TMC1: variants seen among roughly 807,000 people sequenced by gnomAD.
TMC1 encodes the protein transmembrane channel like 1, also known as transmembrane channel-like protein 1.
A neutral mutation model predicts 105.8 loss-of-function variants in TMC1; 84 were observed. The observed-to-expected ratio is 0.79, with a 90% CI of 0.67 to 0.95. TMC1 has a LOEUF of 0.95. Ranked by LOEUF, TMC1 falls within the 40% of genes least tolerant of loss-of-function variation. TMC1 has a pLI of 0.00. For missense variants in TMC1, 817 were observed against 914.1 expected, an observed-to-expected ratio of 0.89 and a Z score of 1.37; for synonymous variants, 315 against 311.5, an observed-to-expected ratio of 1.01 and a Z score of -0.12.
intron 16 of TMC1, 47 bp from the exon 17 acceptor site, chr9:72,792,144 G>T: frequency 6.2e-7 from 1 of 1,613,860 alleles, no homozygotes; most frequent in East Asian, 2.2e-5. Context: ...AAATGCCTTT[G>T]AAATCTCTGT....
Position 72,789,219 on chromosome 9 carries a change from C to G in TMC1, c.1126C>G (p.Leu376Val). ...GGCTAACTTCTTCGTGTTTCTAACA[C>G]TTGGAGGGAGTGGATACCTCATCTT... ...FLANFFVFLT[L>V]GGSGYLIFWA... Residue 376 changes from leucine to valine, a missense_variant, in exon 15 of 24, where the codon CTT (leucine) becomes GTT (valine). Leu to Val is a conservative substitution (Grantham distance 32, BLOSUM62 1). Coordinates refer to ENST00000297784, the MANE Select transcript of TMC1 (RefSeq NM_138691.3). 1 of 1,613,984 alleles carries G rather than the reference C, an allele frequency of 6.2e-7. No individual in the cohort carries two copies. Among genetic ancestry groups the G allele is most frequent in the Non-Finnish European group, 8.5e-7 (1 of 1,179,960 alleles).
At chr9:72,650,891 G>T (rs75369225) in intron 5 of TMC1, among the ~76,000 whole-genome samples, 4,895 of 115,320 alleles carry the variant, frequency 0.042, 194 homozygotes, top group African/African-American at 0.079. Flanking sequence ...TAGATATATA[G>T]ATATATATAT....
chr9:72,702,520 T>C (rs983203027), intron 8 of TMC1, among the ~76,000 whole-genome samples: 3 of 152,118 alleles, frequency 2.0e-5, no homozygotes, highest in Non-Finnish European at 2.9e-5. Flanking sequence ...ACTTGGCACA[T>C]AGCTGGGAAA....
chr9:72,573,564 C>T (rs1477618582), intron 1 of TMC1, among the ~76,000 whole-genome samples: 1 of 152,152 alleles, frequency 6.6e-6, no homozygotes, highest in African/African-American at 2.4e-5. Context: ...TTGCTTTAAA[C>T]CATTAAGGGG....
rs535755604 is a variant in TMC1 at position 72,618,141 on chromosome 9, G to A, written c.-196+1664G>A. On this transcript the variant is annotated intron_variant, in intron 3 of 23. Coordinates refer to ENST00000297784, the MANE Select transcript of TMC1 (RefSeq NM_138691.3). ...CCTCCGGGGTTCAAGTGACTCTCTT[G>A]CCTCAGCCTCTCGAGTTGCTGGGAT... is the stretch of plus-strand genomic sequence containing the variant. Among the ~76,000 whole-genome samples, 7 of 143,714 alleles carry A rather than the reference G, an allele frequency of 4.9e-5. No homozygotes were observed. The South Asian group carries it at 1.6e-3, about 32-fold the overall frequency. The allele number at this position is 143,714 out of a possible 152,430, so 94.3% of individuals were successfully genotyped here. A position where few individuals can be genotyped will look rare whatever the true frequency, so the allele number is the denominator to read the frequency against.
chr9:72,734,820 A>G (rs1827272721), intron 8 of TMC1, among the ~76,000 whole-genome samples: 1 of 152,184 alleles, frequency 6.6e-6, no homozygotes. Flanking sequence ...GCTCAATCAT[A>G]CTATCAAATT....
intron 3 of TMC1, among the ~76,000 whole-genome samples, chr9:72,625,336 T>C (rs1456821004): frequency 6.6e-6 from 1 of 152,100 alleles, no homozygotes; most frequent in African/African-American, 2.4e-5. Context: ...TAAGAGGGTT[T>C]TAGAAAGAAC....
intron 17 of TMC1, among the ~76,000 whole-genome samples, chr9:72,796,501 G>C (rs990041303): frequency 6.6e-6 from 1 of 152,140 alleles, no homozygotes; most frequent in Non-Finnish European, 1.5e-5. Context: ...GAATTCAGCA[G>C]CACATCAAAT....
At chr9:72,678,686 A>T (rs1423363068) in intron 5 of TMC1, among the ~76,000 whole-genome samples, 2 of 152,038 alleles carry the variant, frequency 1.3e-5, no homozygotes. Flanking sequence ...TATAGACTAT[A>T]TTTATTATGT....
chr9:72,655,838 G>A (rs1417163384), intron 5 of TMC1: 1 of 732,030 alleles, frequency 1.4e-6, no homozygotes, highest in Non-Finnish European at 2.5e-6. Context: ...TGACTTATAC[G>A]TCTACAATGG....
chr9:72,730,758 C>T (rs1456620981), intron 8 of TMC1, among the ~76,000 whole-genome samples: 3 of 152,200 alleles, frequency 2.0e-5, no homozygotes, highest in African/African-American at 2.4e-5. Context: ...AGCTTGTTTT[C>T]CTGCAACTAT....
chr9:72,599,242 GC>G (rs1824767686), intron 2 of TMC1, among the ~76,000 whole-genome samples: 2 of 152,112 alleles, frequency 1.3e-5, no homozygotes, highest in Admixed American at 1.3e-4. Flanking sequence ...TGTTGGCCAG[GC>G]CGGTCTCAAA....
chr9:72,610,478 A>C (rs2132119394), intron 2 of TMC1, among the ~76,000 whole-genome samples: 1 of 152,280 alleles, frequency 6.6e-6, no homozygotes, highest in African/African-American at 2.4e-5. Flanking sequence ...AGACACAGGA[A>C]GAAGCCAATG....
At chr9:72,526,097 T>C (rs112668654) in intron 1 of TMC1, among the ~76,000 whole-genome samples, 3 of 152,292 alleles carry the variant, frequency 2.0e-5, no homozygotes, top group African/African-American at 7.2e-5. Flanking sequence ...CCCCTTGCTT[T>C]GGGGGCTGGG....
At chr9:72,749,935 T>C (rs1796994) in intron 10 of TMC1, among the ~76,000 whole-genome samples, 38,847 of 151,808 alleles carry the variant, frequency 0.26, 5,347 homozygotes, top group East Asian at 0.38. Context: ...GGTGAAACCC[T>C]GTTTCCACTA....
At chr9:72,737,526 T>G (rs1796975) in intron 8 of TMC1, among the ~76,000 whole-genome samples, 39,085 of 151,938 alleles carry the variant, frequency 0.26, 5,423 homozygotes, top group East Asian at 0.39. Flanking sequence ...TGAGTCAGGT[T>G]TGCTTTCCTC....
intron 2 of TMC1, chr9:72,616,148 C>T (rs17638467): frequency 0.27 from 40,410 of 152,074 alleles, 5,702 homozygotes; most frequent in African/African-American, 0.32. Flanking sequence ...GGGATGTTTG[C>T]CAGCATGGAA....
rs557110275 is a variant in TMC1, at chr9:72,813,298, A to G, written c.1696-2845A>G. On this transcript the variant is annotated intron_variant, in intron 18 of 23. Coordinates refer to ENST00000297784, the MANE Select transcript of TMC1 (RefSeq NM_138691.3). Reference sequence around the variant, plus strand: ...TATAACCTAATGTTTATAAAAGCCTACCTCTAAAACAATGAGCACTGACTT... The same window carrying G: ...TATAACCTAATGTTTATAAAAGCCTGCCTCTAAAACAATGAGCACTGACTT... Among the ~76,000 whole-genome samples the G allele has an allele frequency of 2.0e-5, 3 of 152,312 alleles. No homozygotes were observed. The South Asian group carries it at 6.2e-4, about 32-fold the overall frequency.
At chr9:72,826,517 A>G (rs1203067078) in intron 20 of TMC1, among the ~76,000 whole-genome samples, 3 of 152,232 alleles carry the variant, frequency 2.0e-5, no homozygotes, top group Non-Finnish European at 2.9e-5. Context: ...TAGCTCAAAG[A>G]GAGTGTTCTC....
Sources: gnomAD v4.1 joint callset for allele counts (sites outside exome capture counted in the v4.1 genomes callset) on GRCh38, gnomAD v4.1.1 for gene constraint, MANE v1.5 for transcripts, NCBI Gene and HGNC (gene_info 2026-07-23, HGNC 2026-07-21) for gene names.